Variants in DZIP1L observed in about 807,000 individuals in gnomAD.
DZIP1L encodes the protein DAZ interacting zinc finger protein 1 like, also known as cilium assembly protein DZIP1L.
A neutral mutation model predicts 88.7 loss-of-function variants in DZIP1L; 90 were observed. The observed-to-expected ratio is 1.02, with a 90% CI of 0.86 to 1.21. The LOEUF (loss-of-function observed/expected upper bound fraction) is 1.21, where lower values mean the gene tolerates loss of function less well. Among genes scored for constraint, DZIP1L ranks in the 50% most tolerant of loss-of-function variants. DZIP1L has a pLI of 0.00. For missense variants in DZIP1L, 932 were observed against 955.8 expected, an observed-to-expected ratio of 0.98 and a Z score of 0.33; for synonymous variants, 363 against 372.1, an observed-to-expected ratio of 0.98 and a Z score of 0.28.
chr3:138,103,711 C>T lies in DZIP1L; in HGVS notation c.261G>A (p.Leu87=). The T allele has an allele frequency of 1.2e-6, 2 of 1,613,234 alleles. No homozygotes were observed. The highest frequency in any genetic ancestry group is 1.1e-5 in the South Asian group (1 of 91,088). Residue 87 remains leucine, a synonymous_variant, in exon 2 of 16, where the codon CTG becomes CTA. Transcript: ENST00000327532. ...ACTCAATGATGAGCTGCGCCAGGCG[C>T]AGCACCTTGAGCAGTGCCGGGTCCA... ...QPVDPALLKV[L]RLAQLIIEYL...
At chr3:138,106,528 G>A (rs2042495298) in intron 1 of DZIP1L, among the ~76,000 whole-genome samples, 1 of 151,350 alleles carries the variant, frequency 6.6e-6, no homozygotes, top group African/African-American at 2.5e-5. Context: ...GAAGGAAGAA[G>A]GCCTTTAAAA....
chr3:138,066,514 A>G (rs1942909893), intron 14 of DZIP1L, among the ~76,000 whole-genome samples: 1 of 152,182 alleles, frequency 6.6e-6, no homozygotes, highest in South Asian at 2.1e-4. Context: ...TCAACTTGCC[A>G]TGACATCGTT....
At chr3:138,092,565 A>G in intron 4 of DZIP1L, 21 bp from the exon 5 acceptor site, 1 of 1,548,882 alleles carries the variant, frequency 6.5e-7, no homozygotes, top group Non-Finnish European at 8.6e-7. Context: ...GAGCAAGAAC[A>G]ATATGATGAT....
chr3:138,093,693 T>C (rs1944341282), intron 4 of DZIP1L, among the ~76,000 whole-genome samples: 1 of 152,260 alleles, frequency 6.6e-6, no homozygotes, highest in South Asian at 2.1e-4. Context: ...GCACTTTCAT[T>C]GTTATGGAGA....
At chr3:138,071,621 G>A in intron 12 of DZIP1L, 22 bp downstream of exon 12, 1 of 1,604,040 alleles carries the variant, frequency 6.2e-7, no homozygotes, top group Non-Finnish European at 8.5e-7. Flanking sequence ...ACAGCCCTGA[G>A]CAAGCCCTCT....
chr3:138,101,905 TC>T, intron 2 of DZIP1L: 2 of 1,449,524 alleles, frequency 1.4e-6, no homozygotes, highest in Non-Finnish European at 1.9e-6. Flanking sequence ...AATGGCCAGC[TC>T]CCCACGTTGC....
In DZIP1L at chr3:138,071,658, C is replaced by T. The variant is rs1437907414; in HGVS notation, c.1600G>A (p.Asp534Asn). Reference sequence around the variant, plus strand: ...CCCAGTGTACCTGAAGGCTGCCCGTCTGGCTGGGACACCACAGCGCCATTC... The same window carrying T: ...CCCAGTGTACCTGAAGGCTGCCCGTTTGGCTGGGACACCACAGCGCCATTC... ...QENGAVVSQP[D>N]GQPSVKSQQS... Residue 534 changes from aspartate (D) to asparagine (N), a missense_variant, in exon 12 of 16, where the codon GAC becomes AAC. Physicochemically the swap from Asp to Asn is conservative, Grantham distance 23 (BLOSUM62 1). Coordinates refer to ENST00000327532, the MANE Select transcript of DZIP1L (RefSeq NM_173543.3). The T allele has an allele frequency of 6.2e-7, 1 of 1,613,280 alleles. No homozygotes were observed.
At chr3:138,094,839 T>G in intron 4 of DZIP1L, 23 bp downstream of exon 4, 1 of 1,613,994 alleles carries the variant, frequency 6.2e-7, no homozygotes, top group Non-Finnish European at 8.5e-7. Context: ...CAAGTCTCCC[T>G]GATGTTTTCT....
intron 10 of DZIP1L, among the ~76,000 whole-genome samples, chr3:138,079,883 A>G: frequency 6.6e-6 from 1 of 152,178 alleles, no homozygotes; most frequent in East Asian, 1.9e-4. Context: ...GCTCAAACAA[A>G]CGGGACCTGG....
intron 4 of DZIP1L, 139 bp downstream of exon 4, chr3:138,094,723 C>T: frequency 7.3e-7 from 1 of 1,362,722 alleles, no homozygotes; most frequent in Non-Finnish European, 1.0e-6. Context: ...TTGCCATGTC[C>T]AAGAAGGCAC....
rs1944398172 is a variant in DZIP1L, at chr3:138,094,910, T to C, written c.660A>G (p.Gln220=). The C allele has an allele frequency of 1.9e-6, 3 of 1,614,140 alleles. No homozygotes were observed. The highest frequency in any genetic ancestry group is 4.5e-5 in the East Asian group (2 of 44,904). The change falls in exon 4 of 16, where the codon CAA becomes CAG. Residue 220 remains glutamine, a synonymous_variant. Transcript: ENST00000327532. The part of the protein sequence containing the change: ...EELRAKLKWT[Q]GELEAQREAE... ...CCTCCCTCTGGGCTTCCAGCTCCCC[T>C]TGGGTCCACTTTAGCTTGGCCCGTA...
At chr3:138,095,183 CA>C (rs1300106807) in intron 3 of DZIP1L, among the ~76,000 whole-genome samples, 200 bp from the exon 4 acceptor site, 1 of 152,220 alleles carries the variant, frequency 6.6e-6, no homozygotes, top group Non-Finnish European at 1.5e-5. Flanking sequence ...GCACCTAACT[CA>C]GAGGGCTGCT....
chr3:138,101,655 G>C (rs2042315906), intron 2 of DZIP1L: 1 of 795,810 alleles, frequency 1.3e-6, no homozygotes, highest in African/African-American at 1.7e-5. Flanking sequence ...GGCCCCCATA[G>C]GCCGAGCTCA....
intron 1 of DZIP1L, among the ~76,000 whole-genome samples, chr3:138,104,907 A>G (rs138159038): frequency 6.6e-6 from 1 of 152,358 alleles, no homozygotes; most frequent in African/African-American, 2.4e-5. Context: ...TCCACTACTA[A>G]AAATTATAAT....
intron 2 of DZIP1L, 146 bp downstream of exon 2, chr3:138,103,325 C>G (rs1444428421): frequency 2.3e-6 from 2 of 862,898 alleles, no homozygotes; most frequent in Non-Finnish European, 3.5e-6. Context: ...TGGCCATGAG[C>G]AGCATCTCTG....
chr3:138,077,009 A>C (rs1943443994), intron 11 of DZIP1L, among the ~76,000 whole-genome samples: 1 of 152,148 alleles, frequency 6.6e-6, no homozygotes, highest in South Asian at 2.1e-4. Flanking sequence ...AGGAAAATAT[A>C]AGTTATTACT....
chr3:138,062,758 T>C lies in DZIP1L; in HGVS notation c.*58A>G. On this transcript the variant is annotated 3_prime_UTR_variant, in exon 16 of 16. Transcript: ENST00000327532. Reference sequence around the variant, plus strand: ...GGCCCAGCAGCCTCTTCTGTTGAAGTGGACCTGAGCTGGCCCCAGCCAGGC... The same window carrying C: ...GGCCCAGCAGCCTCTTCTGTTGAAGCGGACCTGAGCTGGCCCCAGCCAGGC... The C allele has an allele frequency of 1.3e-6, 2 of 1,582,942 alleles. No homozygotes were observed. The highest frequency in any genetic ancestry group is 3.4e-5 in the Admixed American group (2 of 58,580).
chr3:138,079,332 A>C (rs1162268000), intron 10 of DZIP1L, among the ~76,000 whole-genome samples: 3 of 152,208 alleles, frequency 2.0e-5, no homozygotes, highest in African/African-American at 7.2e-5. Context: ...AATTTTTACA[A>C]CTGTATCCCA....
Position 138,062,259 on chromosome 3 carries a change from G to A in DZIP1L, c.*557C>T, listed in dbSNP as rs1323073350. Reference sequence around the variant, plus strand: ...TCTCATATGCTCCCCATAACACCCTGTTCTCTGTCACTAGATTACTACCTT... The same window carrying A: ...TCTCATATGCTCCCCATAACACCCTATTCTCTGTCACTAGATTACTACCTT... On this transcript the variant is annotated 3_prime_UTR_variant, in exon 16 of 16. Transcript: ENST00000327532. 1 of 153,414 alleles carries A rather than the reference G, an allele frequency of 6.5e-6. No individual in the cohort carries two copies. Among genetic ancestry groups the A allele is most frequent in the Admixed American group, 6.4e-5 (1 of 15,542 alleles). 9.5% of individuals were successfully genotyped at this position (153,414 alleles called of 1,614,324 possible).
Sources: allele counts gnomAD v4.1 joint callset (sites outside exome capture counted in the v4.1 genomes callset), GRCh38; gene constraint gnomAD v4.1.1; transcripts MANE v1.5; gene names NCBI Gene and HGNC (gene_info 2026-07-23, HGNC 2026-07-21).